The following GABRB2 variants were observed in gnomAD, a reference collection of about 807,000 sequenced individuals.
GABRB2 encodes the protein gamma-aminobutyric acid type A receptor subunit beta2.
Under a neutral mutation model 54.7 loss-of-function variants are expected in GABRB2, and 16 were observed. The observed-to-expected ratio is 0.29, with a 90% CI of 0.20 to 0.44. The LOEUF (loss-of-function observed/expected upper bound fraction) is 0.44. Ranked by LOEUF, GABRB2 falls within the 20% of genes least tolerant of loss-of-function variation. GABRB2 has a pLI of 1.00. For synonymous variants in GABRB2, 244 were observed against 233.8 expected (o/e 1.04, Z -0.40); for missense variants, 355 against 644.0 (o/e 0.55, Z 4.86).
rs1387932434 is a variant in GABRB2, at chr5:161,292,336, GA to G, written c.*1744del. The G allele has an allele frequency of 6.6e-6, 1 of 152,098 alleles. No individual in the cohort carries two copies. Among genetic ancestry groups the G allele is most frequent in the Non-Finnish European group, 1.5e-5 (1 of 67,996 alleles). The allele number at this position is 152,098 out of a possible 1,614,324, so 9.4% of individuals were successfully genotyped here. A position where few individuals can be genotyped will look rare whatever the true frequency, so the allele number is the denominator to read the frequency against. On this transcript the variant is annotated 3_prime_UTR_variant, in exon 10 of 10. Coordinates refer to ENST00000393959, the MANE Select transcript of GABRB2 (RefSeq NM_001371727.1). ...AAGAGCTTTCTTTGTTTTCAAAATA[GA>G]AATAGCAAAGTCATCCTCCAAGAAA... is the stretch of plus-strand genomic sequence containing the variant.
intron 5 of GABRB2, among the ~76,000 whole-genome samples, chr5:161,372,607 T>C (rs979974500): frequency 6.6e-6 from 1 of 152,130 alleles, no homozygotes; most frequent in African/African-American, 2.4e-5. Context: ...AGCATTCATG[T>C]CCCTGTCTTC....
chr5:161,534,372 T>C (rs890549825), intron 3 of GABRB2, among the ~76,000 whole-genome samples: 1 of 152,106 alleles, frequency 6.6e-6, no homozygotes, highest in African/African-American at 2.4e-5. Context: ...ATAAAACAAA[T>C]AATTGCCCTT....
intron 4 of GABRB2, among the ~76,000 whole-genome samples, chr5:161,433,177 T>C (rs1333802290): frequency 6.6e-6 from 1 of 152,182 alleles, no homozygotes; most frequent in Non-Finnish European, 1.5e-5. Flanking sequence ...TCTATAGATA[T>C]ATACATTGAG....
At chr5:161,425,925 A>G (rs761474399) in intron 4 of GABRB2, among the ~76,000 whole-genome samples, 1 of 152,094 alleles carries the variant, frequency 6.6e-6, no homozygotes, top group Non-Finnish European at 1.5e-5. Flanking sequence ...AATTGGCTCA[A>G]TCTTCATAAA....
At chr5:161,506,057 T>A (rs1759596581) in intron 3 of GABRB2, among the ~76,000 whole-genome samples, 1 of 152,038 alleles carries the variant, frequency 6.6e-6, no homozygotes, top group Non-Finnish European at 1.5e-5. Flanking sequence ...TATGTATATA[T>A]AACCTAATGA....
intron 3 of GABRB2, among the ~76,000 whole-genome samples, chr5:161,469,678 TA>T (rs1561661584): frequency 4.3e-4 from 38 of 88,474 alleles, no homozygotes; most frequent in African/African-American, 2.0e-3. Flanking sequence ...TATTCACACA[TA>T]CACATACACA....
chr5:161,533,184 C>G (rs913032261), intron 3 of GABRB2, among the ~76,000 whole-genome samples: 2 of 152,072 alleles, frequency 1.3e-5, no homozygotes, highest in African/African-American at 4.8e-5. Context: ...ACAAAGAGAA[C>G]AACAGCAAGA....
intron 3 of GABRB2, among the ~76,000 whole-genome samples, chr5:161,527,411 A>AT (rs1477699786): frequency 1.3e-5 from 2 of 151,482 alleles, no homozygotes; most frequent in East Asian, 1.9e-4. Flanking sequence ...CTGAATATTT[A>AT]TTTTTTAAAA....
intron 5 of GABRB2, 41 bp from the exon 6 acceptor site, chr5:161,336,810 A>G (rs1561612948): frequency 1.3e-6 from 2 of 1,539,192 alleles, no homozygotes; most frequent in African/African-American, 2.9e-5. Flanking sequence ...ACAAATACAG[A>G]AAACAAAAAA....
chr5:161,542,873 C>T (rs938810627), intron 3 of GABRB2, among the ~76,000 whole-genome samples: 1 of 152,172 alleles, frequency 6.6e-6, no homozygotes, highest in Non-Finnish European at 1.5e-5. Context: ...GTACAACACA[C>T]CATAAACATC....
At chr5:161,538,870 C>A (rs1222976286) in intron 3 of GABRB2, among the ~76,000 whole-genome samples, 1 of 151,856 alleles carries the variant, frequency 6.6e-6, no homozygotes, top group Non-Finnish European at 1.5e-5. Flanking sequence ...TTCATGAGGT[C>A]AGGGGATGGG....
intron 5 of GABRB2, among the ~76,000 whole-genome samples, chr5:161,398,228 T>C (rs1756065978): frequency 6.6e-6 from 1 of 152,212 alleles, no homozygotes; most frequent in Non-Finnish European, 1.5e-5. Flanking sequence ...TTGTATTTTC[T>C]CTTGAGAGGA....
At chr5:161,498,332 A>G (rs901514828) in intron 3 of GABRB2, among the ~76,000 whole-genome samples, 2 of 128,966 alleles carry the variant, frequency 1.6e-5, no homozygotes, top group Admixed American at 1.7e-4. Context: ...AAAAGTTGAG[A>G]CAGAGTCAAA....
chr5:161,362,766 A>G (rs1374137626), intron 5 of GABRB2, among the ~76,000 whole-genome samples: 2 of 152,190 alleles, frequency 1.3e-5, no homozygotes, highest in Admixed American at 1.3e-4. Context: ...GCCAACAAAC[A>G]TACAAAAAAA....
chr5:161,368,157 ACCT>A (rs1755026729), intron 5 of GABRB2, among the ~76,000 whole-genome samples: 1 of 145,684 alleles, frequency 6.9e-6, no homozygotes, highest in East Asian at 2.0e-4. Context: ...ACACTCTTCC[ACCT>A]CCTAAAATAT....
At chr5:161,337,462 G>T (rs1489678841) in intron 5 of GABRB2, among the ~76,000 whole-genome samples, 1 of 152,070 alleles carries the variant, frequency 6.6e-6, no homozygotes, top group African/African-American at 2.4e-5. Context: ...TAAATGCATA[G>T]TGTACACTGG....
intron 3 of GABRB2, among the ~76,000 whole-genome samples, chr5:161,537,651 C>T (rs1760681782): frequency 6.6e-6 from 1 of 152,178 alleles, no homozygotes; most frequent in Non-Finnish European, 1.5e-5. Flanking sequence ...CATCTTCCAA[C>T]GTTAAATTTT....
intron 9 of GABRB2, among the ~76,000 whole-genome samples, chr5:161,304,759 A>T (rs1305180854): frequency 6.6e-6 from 1 of 152,072 alleles, no homozygotes; most frequent in Non-Finnish European, 1.5e-5. Flanking sequence ...AGAACAGTAC[A>T]TTCGAATTGT....
intron 4 of GABRB2, among the ~76,000 whole-genome samples, chr5:161,431,194 T>G (rs1757163130): frequency 6.6e-6 from 1 of 152,156 alleles, no homozygotes; most frequent in Non-Finnish European, 1.5e-5. Flanking sequence ...CCTGTTTTAT[T>G]TCAGTGCCTG....
Sources: gnomAD v4.1 joint callset for allele counts (sites outside exome capture counted in the v4.1 genomes callset) on GRCh38, gnomAD v4.1.1 for gene constraint, MANE v1.5 for transcripts, NCBI Gene and HGNC (gene_info 2026-07-23, HGNC 2026-07-21) for gene names.